CLVS1: variants seen among roughly 807,000 people sequenced by gnomAD.
CLVS1 encodes the protein clavesin 1.
A neutral mutation model predicts 33.1 loss-of-function variants in CLVS1; 10 were observed. The observed-to-expected ratio is 0.30, with a 90% CI of 0.19 to 0.51. The LOEUF (loss-of-function observed/expected upper bound fraction) is 0.51. Among genes scored for constraint, CLVS1 ranks in the 20% least tolerant of loss-of-function variants. The pLI, the probability that CLVS1 is intolerant of heterozygous loss-of-function variation, is 0.97. For synonymous variants in CLVS1, 163 were observed against 166.1 expected (o/e 0.98, Z 0.14); for missense variants, 343 against 433.4 (o/e 0.79, Z 1.85).
Position 61,458,566 on chromosome 8 carries a change from C to G in CLVS1, c.977+24C>G, listed in dbSNP as rs777597504. 5.6e-6 allele frequency: 8 copies of G among 1,431,178 alleles called. No individual in the cohort carries two copies. The African/African-American group carries it at 1.6e-4, about 29-fold the overall frequency. The allele number at this position is 1,431,178 out of a possible 1,614,324, so 88.7% of individuals were successfully genotyped here. On this transcript the variant is annotated intron_variant, in intron 5 of 5. Transcript: ENST00000325897. ...AGGTAAGGCCTGGGTTATCAGAGCC[C>G]CCCCCCCAGTCAGAGGTCAATGGAA...
intron 2 of CLVS1, among the ~76,000 whole-genome samples, chr8:61,337,272 T>A (rs755621931): frequency 6.6e-6 from 1 of 152,216 alleles, no homozygotes; most frequent in Admixed American, 6.5e-5. Context: ...GTGCCACAAG[T>A]GGGTGAGTTA....
upstream of CLVS1, among the ~76,000 whole-genome samples, chr8:61,054,044 A>G (rs530036343): frequency 2.6e-5 from 4 of 152,304 alleles, no homozygotes; most frequent in African/African-American, 9.6e-5. Flanking sequence ...TTCATCCAAA[A>G]TGTCCTAGCC....
rs527519406 is a variant in CLVS1 at position 61,397,503 on chromosome 8, A to G, written c.630+20724A>G. Among the ~76,000 whole-genome samples the G allele has an allele frequency of 5.3e-5, 8 of 152,246 alleles. No individual in the cohort carries two copies. The East Asian group carries it at 1.5e-3, about 29-fold the overall frequency. On this transcript the variant is annotated intron_variant, in intron 3 of 5. Coordinates refer to ENST00000325897, the MANE Select transcript of CLVS1 (RefSeq NM_173519.3). ...TTTTACTTTATTAACAGAATCTCTT[A>G]AGGCATAAAGGTTTCAATTTTCATG...
chr8:61,338,720 T>G (rs1811894718), intron 2 of CLVS1, among the ~76,000 whole-genome samples: 1 of 152,050 alleles, frequency 6.6e-6, no homozygotes, highest in Admixed American at 6.5e-5. Context: ...CACACACAGT[T>G]CTCCCACACT....
At chr8:61,435,383 G>A (rs934332506) in intron 3 of CLVS1, among the ~76,000 whole-genome samples, 1 of 152,068 alleles carries the variant, frequency 6.6e-6, no homozygotes, top group African/African-American at 2.4e-5. Context: ...GCCATTTGTA[G>A]TGAGTTAGAA....
At chr8:61,286,517 T>C (rs148729436), upstream of CLVS1, among the ~76,000 whole-genome samples, 116 of 152,350 alleles carry the variant, frequency 7.6e-4, no homozygotes, top group South Asian at 1.4e-3. Flanking sequence ...CAGATGTGGA[T>C]TCTCTCGTTC....
At chr8:61,261,236 C>T (rs745921208) in intron 2 of CLVS1, among the ~76,000 whole-genome samples, 2 of 152,116 alleles carry the variant, frequency 1.3e-5, no homozygotes, top group African/African-American at 4.8e-5. Context: ...CCTTGCTGTG[C>T]CTTGTAAATG....
intron 2 of CLVS1, among the ~76,000 whole-genome samples, chr8:61,309,258 C>G (rs149661651): frequency 0.011 from 1,747 of 152,234 alleles, 26 homozygotes; most frequent in African/African-American, 0.039. Flanking sequence ...GGGTGCTGAC[C>G]AATTGACGAG....
At chr8:61,338,589 G>A (rs4033344) in intron 2 of CLVS1, among the ~76,000 whole-genome samples, 4 of 152,144 alleles carry the variant, frequency 2.6e-5, no homozygotes, top group Non-Finnish European at 5.9e-5. Context: ...TATCAGGATC[G>A]CAGCACACAT....
chr8:61,351,545 C>G (rs2129598994), intron 2 of CLVS1, among the ~76,000 whole-genome samples: 1 of 152,040 alleles, frequency 6.6e-6, no homozygotes, highest in Non-Finnish European at 1.5e-5. Context: ...TGGCTGAAAA[C>G]TTCCCAAATT....
chr8:61,479,745 G>A (rs748451595), intron 5 of CLVS1, among the ~76,000 whole-genome samples: 1 of 152,184 alleles, frequency 6.6e-6, no homozygotes, highest in Non-Finnish European at 1.5e-5. Context: ...TGTCGGTGAT[G>A]TACAGATAGG....
chr8:60,988,440 G>A, the CLVS1 span, among the ~76,000 whole-genome samples: 1 of 151,942 alleles, frequency 6.6e-6, no homozygotes, highest in Non-Finnish European at 1.5e-5. Flanking sequence ...TTCCTCATTA[G>A]GACATATGAC....
At chr8:61,150,869 A>G (rs1469336178) in intron 2 of CLVS1, among the ~76,000 whole-genome samples, 1 of 152,160 alleles carries the variant, frequency 6.6e-6, no homozygotes, top group Non-Finnish European at 1.5e-5. Flanking sequence ...ATGAGCATCT[A>G]GACCCCTGAA....
the CLVS1 span, among the ~76,000 whole-genome samples, chr8:60,968,236 G>A: frequency 6.6e-6 from 1 of 152,236 alleles, no homozygotes; most frequent in Non-Finnish European, 1.5e-5. Context: ...AAGGCCGGGC[G>A]CAGTGGCTCA....
intron 5 of CLVS1, among the ~76,000 whole-genome samples, chr8:61,480,920 C>A (rs1281716191): frequency 6.6e-6 from 1 of 152,140 alleles, no homozygotes; most frequent in African/African-American, 2.4e-5. Context: ...GTGATCCGCA[C>A]TTCTCAGCTG....
intron 2 of CLVS1, among the ~76,000 whole-genome samples, chr8:61,331,353 G>T (rs1811583105): frequency 6.6e-6 from 1 of 151,736 alleles, no homozygotes; most frequent in Admixed American, 6.6e-5. Flanking sequence ...TATTTACTCA[G>T]TTGAGCACTC....
chr8:61,192,619 A>T (rs1394101112), intron 2 of CLVS1, among the ~76,000 whole-genome samples: 3 of 152,242 alleles, frequency 2.0e-5, no homozygotes, highest in Non-Finnish European at 4.4e-5. Flanking sequence ...CAATCTGCTC[A>T]TCTGACAAAG....
At chr8:61,086,550 C>A (rs1054623788) in intron 1 of CLVS1, among the ~76,000 whole-genome samples, 1 of 151,646 alleles carries the variant, frequency 6.6e-6, no homozygotes, top group Non-Finnish European at 1.5e-5. Context: ...CTAGACCATA[C>A]GTAGTAGCAA....
At chr8:61,268,817 T>A (rs1585735964) in intron 2 of CLVS1, among the ~76,000 whole-genome samples, 1 of 76,004 alleles carries the variant, frequency 1.3e-5, no homozygotes, top group East Asian at 1.1e-3. Flanking sequence ...AATGTCTTCT[T>A]TTGAGAAGTG....
Sources: gnomAD v4.1 joint callset for allele counts (sites outside exome capture counted in the v4.1 genomes callset) on GRCh38, gnomAD v4.1.1 for gene constraint, MANE v1.5 for transcripts, NCBI Gene and HGNC (gene_info 2026-07-23, HGNC 2026-07-21) for gene names.